PTPRR: variants seen among roughly 807,000 people sequenced by gnomAD.
PTPRR encodes the protein protein tyrosine phosphatase receptor type R.
A neutral mutation model predicts 77.2 loss-of-function variants in PTPRR; 38 were observed. The ratio of observed to expected loss-of-function variants is 0.49; its 90% CI spans 0.38 to 0.65. The LOEUF is 0.65. PTPRR is among the 30% of genes least tolerant of loss of function. PTPRR has a pLI of 0.00. For synonymous variants in PTPRR, 299 were observed against 283.1 expected (o/e 1.06, Z -0.57); for missense variants, 744 against 799.2 (o/e 0.93, Z 0.83).
chr12:70,824,241 C>T (rs1473695392), intron 2 of PTPRR, among the ~76,000 whole-genome samples: 9 of 152,094 alleles, frequency 5.9e-5, no homozygotes, highest in Admixed American at 3.3e-4. Context: ...GTATTGTATT[C>T]GCTCTTATGT....
At chr12:70,702,526 T>G (rs927912290) in intron 6 of PTPRR, among the ~76,000 whole-genome samples, 3 of 152,134 alleles carry the variant, frequency 2.0e-5, no homozygotes, top group Admixed American at 2.0e-4. Context: ...AATGCGACAT[T>G]AAGAAATATT....
intron 2 of PTPRR, among the ~76,000 whole-genome samples, chr12:70,856,559 T>G (rs1892654959): frequency 6.6e-6 from 1 of 152,182 alleles, no homozygotes; most frequent in South Asian, 2.1e-4. Context: ...TATTTGATAG[T>G]GAACCATTAT....
rs184999319 is a variant in PTPRR, at chr12:70,700,095, A to C, written c.1194+1042T>G. 9.2e-5 allele frequency among the ~76,000 whole-genome samples: 14 copies of C among 152,316 alleles called. No homozygotes were observed. In the East Asian group the frequency reaches 2.7e-3, roughly 29 times the overall value. ...CAGGTCTCATTTTCTTCACATGTAA[A>C]ATATGATACACCACAGAGTCTGATT... On this transcript the variant is annotated intron_variant, in intron 7 of 13. Transcript: ENST00000283228.
rs117789837 is a variant in PTPRR at position 70,730,785 on chromosome 12, C to T, written c.1007+15033G>A. Among the ~76,000 whole-genome samples the T allele has an allele frequency of 7.9e-3, 1,191 of 151,604 alleles. 13 individuals are homozygous for T. Among genetic ancestry groups the T allele is most frequent in the Non-Finnish European group, 0.014 (917 of 67,896 alleles). On this transcript the variant is annotated intron_variant, in intron 6 of 13. Coordinates refer to ENST00000283228, the MANE Select transcript of PTPRR (RefSeq NM_002849.4). Reference sequence around the variant, plus strand: ...GTTACAGTGAGCTAGGATCATGCCACGCCACTCCAGCTTGGGGGAGAGAGA... The same window carrying T: ...GTTACAGTGAGCTAGGATCATGCCATGCCACTCCAGCTTGGGGGAGAGAGA...
intron 6 of PTPRR, among the ~76,000 whole-genome samples, chr12:70,737,215 C>T (rs1307440003): frequency 6.6e-6 from 1 of 152,116 alleles, no homozygotes; most frequent in Admixed American, 6.5e-5. Context: ...GCCACTCATG[C>T]TCAGAGATCC....
intron 2 of PTPRR, among the ~76,000 whole-genome samples, chr12:70,882,733 T>G (rs936861022): frequency 6.6e-6 from 1 of 152,174 alleles, no homozygotes; most frequent in African/African-American, 2.4e-5. Context: ...CAAAGAGGCT[T>G]CATATCCTCA....
chr12:70,646,698 A>C (rs749902004), intron 13 of PTPRR, among the ~76,000 whole-genome samples: 8 of 152,302 alleles, frequency 5.3e-5, no homozygotes, highest in Non-Finnish European at 7.4e-5. Flanking sequence ...GCAAATCAAA[A>C]TGTTGAATTC....
intron 2 of PTPRR, among the ~76,000 whole-genome samples, chr12:70,818,590 T>C (rs1255470272): frequency 6.6e-6 from 1 of 152,178 alleles, no homozygotes; most frequent in African/African-American, 2.4e-5. Context: ...TGATTGAAAA[T>C]TATGAAGTTT....
intron 6 of PTPRR, among the ~76,000 whole-genome samples, chr12:70,708,313 C>T (rs193152151): frequency 5.9e-5 from 9 of 152,132 alleles, no homozygotes; most frequent in Admixed American, 3.3e-4. Context: ...AATTACTGTG[C>T]TTTGACGGTT....
At chr12:70,868,655 A>C (rs1331727769) in intron 2 of PTPRR, among the ~76,000 whole-genome samples, 1 of 152,152 alleles carries the variant, frequency 6.6e-6, no homozygotes, top group Non-Finnish European at 1.5e-5. Flanking sequence ...TAGAACTAGA[A>C]ATACCATTTG....
At chr12:70,673,713 C>G (rs1223530642) in intron 10 of PTPRR, among the ~76,000 whole-genome samples, 1 of 152,058 alleles carries the variant, frequency 6.6e-6, no homozygotes, top group Non-Finnish European at 1.5e-5. Context: ...ACAATTTACT[C>G]AGAAAATTCA....
chr12:70,706,685 C>G (rs1308152324), intron 6 of PTPRR, among the ~76,000 whole-genome samples: 1 of 151,958 alleles, frequency 6.6e-6, no homozygotes, highest in Non-Finnish European at 1.5e-5. Context: ...TTACTACACC[C>G]TTATTTTACA....
chr12:70,787,447 C>G (rs1304114892), intron 2 of PTPRR, among the ~76,000 whole-genome samples: 2 of 152,120 alleles, frequency 1.3e-5, no homozygotes, highest in African/African-American at 4.8e-5. Flanking sequence ...TTTTAGTGTA[C>G]AAGGCTAAGA....
At chr12:70,673,349 ATACAT>A (rs1205014739) in intron 10 of PTPRR, among the ~76,000 whole-genome samples, 1 of 152,348 alleles carries the variant, frequency 6.6e-6, no homozygotes, top group East Asian at 1.9e-4. Flanking sequence ...ACAGATAAAC[ATACAT>A]TACAAGATTC....
chr12:70,895,133 T>C (rs920428482), intron 1 of PTPRR, among the ~76,000 whole-genome samples: 2 of 151,674 alleles, frequency 1.3e-5, no homozygotes, highest in African/African-American at 2.4e-5. Context: ...AAGACGTATA[T>C]GTTGGTCACA....
intron 2 of PTPRR, among the ~76,000 whole-genome samples, chr12:70,845,221 A>G (rs1015232365): frequency 2.2e-4 from 4 of 18,474 alleles, no homozygotes; most frequent in Non-Finnish European, 3.5e-4. Flanking sequence ...TGGAGGGAGA[A>G]AAGAAGCTTA....
chr12:70,812,313 C>A (rs1891822947), intron 2 of PTPRR, among the ~76,000 whole-genome samples: 2 of 152,228 alleles, frequency 1.3e-5, no homozygotes, highest in South Asian at 4.1e-4. Flanking sequence ...ACATGGGCAG[C>A]CACGTGACAC....
chr12:70,641,219 C>T (rs1885985548), intron 13 of PTPRR, among the ~76,000 whole-genome samples: 1 of 152,300 alleles, frequency 6.6e-6, no homozygotes, highest in South Asian at 2.1e-4. Context: ...CTTCCTCTGG[C>T]ATTTGCACAG....
At chr12:70,669,706 A>G (rs979953199) in intron 10 of PTPRR, among the ~76,000 whole-genome samples, 1 of 152,032 alleles carries the variant, frequency 6.6e-6, no homozygotes, top group Non-Finnish European at 1.5e-5. Context: ...CTGGGGCTAC[A>G]TTTGTACACC....
Sources: gnomAD v4.1 joint callset for allele counts (sites outside exome capture counted in the v4.1 genomes callset) on GRCh38, gnomAD v4.1.1 for gene constraint, MANE v1.5 for transcripts, NCBI Gene and HGNC (gene_info 2026-07-23, HGNC 2026-07-21) for gene names.